The following FHIT variants were observed in gnomAD, a reference collection of about 807,000 sequenced individuals.
FHIT encodes bis(5'-adenosyl)-triphosphatase.
A neutral mutation model predicts 17.9 loss-of-function variants in FHIT; 19 were observed. The ratio of observed to expected loss-of-function variants is 1.06; its 90% CI spans 0.74 to 1.56. FHIT has a LOEUF of 1.56. Among genes scored for constraint, FHIT ranks in the 40% most tolerant of loss-of-function variants. The pLI, the probability that FHIT is intolerant of heterozygous loss-of-function variation, is 0.00. For missense variants in FHIT, 248 were observed against 189.2 expected, an observed-to-expected ratio of 1.31 and a Z score of -1.82; for synonymous variants, 81 against 69.7, an observed-to-expected ratio of 1.16 and a Z score of -0.81.
intron 5 of FHIT, among the ~76,000 whole-genome samples, chr3:60,138,485 G>T (rs1478329079): frequency 6.6e-6 from 1 of 152,144 alleles, no homozygotes; most frequent in African/African-American, 2.4e-5. Context: ...GACAAAACTA[G>T]CAAGTGCACA....
chr3:60,632,103 T>G (rs931631782), intron 4 of FHIT, among the ~76,000 whole-genome samples: 15 of 150,996 alleles, frequency 9.9e-5, no homozygotes, highest in African/African-American at 3.7e-4. Context: ...TTGTTTTTTG[T>G]TTTTTTTTAA....
chr3:59,777,066 C>T (rs780271827), intron 8 of FHIT, among the ~76,000 whole-genome samples: 7 of 152,168 alleles, frequency 4.6e-5, no homozygotes, highest in Admixed American at 1.3e-4. Context: ...ACTCCAAGCA[C>T]GGTCCATGTC....
intron 3 of FHIT, among the ~76,000 whole-genome samples, chr3:61,033,009 C>G (rs147803095): frequency 1.3e-5 from 2 of 152,344 alleles, no homozygotes; most frequent in East Asian, 3.9e-4. Flanking sequence ...CCTGCTCAAA[C>G]AGAGACAGTG....
At chr3:60,051,326 CT>C (rs773498624) in intron 5 of FHIT, among the ~76,000 whole-genome samples, 9,470 of 131,736 alleles carry the variant, frequency 0.072, 306 homozygotes, top group Non-Finnish European at 0.08. Flanking sequence ...ATTTAGGATG[CT>C]TTTTTTTTTT....
chr3:60,678,401 A>G (rs1553695964), intron 4 of FHIT, among the ~76,000 whole-genome samples: 1 of 152,194 alleles, frequency 6.6e-6, no homozygotes, highest in Non-Finnish European at 1.5e-5. Context: ...GCATGTTATT[A>G]TAGAGGTCAA....
chr3:59,843,626 G>A (rs1000635274), intron 8 of FHIT, among the ~76,000 whole-genome samples: 2 of 151,970 alleles, frequency 1.3e-5, no homozygotes, highest in Non-Finnish European at 2.9e-5. Flanking sequence ...TCACTTCTTT[G>A]GTTAAGCTAA....
chr3:60,627,329 T>C (rs935285699), intron 4 of FHIT, among the ~76,000 whole-genome samples: 2 of 152,230 alleles, frequency 1.3e-5, no homozygotes, highest in Non-Finnish European at 2.9e-5. Context: ...ATAAAAAATA[T>C]ATATTCAGTC....
At chr3:60,809,040 A>T (rs896071996) in intron 4 of FHIT, among the ~76,000 whole-genome samples, 1 of 152,200 alleles carries the variant, frequency 6.6e-6, no homozygotes, top group Non-Finnish European at 1.5e-5. Flanking sequence ...TTAATTTTTT[A>T]AATTGCCTAA....
chr3:60,101,345 C>T (rs11130752), intron 5 of FHIT, among the ~76,000 whole-genome samples: 37,014 of 152,180 alleles, frequency 0.24, 4,671 homozygotes, highest in Middle Eastern at 0.36. Flanking sequence ...CCTGGGCTCA[C>T]TGGCTTCCTC....
At chr3:59,803,220 G>A (rs1196755568) in intron 8 of FHIT, among the ~76,000 whole-genome samples, 1 of 152,184 alleles carries the variant, frequency 6.6e-6, no homozygotes, top group East Asian at 1.9e-4. Flanking sequence ...CTGAATTAAA[G>A]TCAAGAGTCT....
At chr3:59,839,596 G>T (rs59011728) in intron 8 of FHIT, among the ~76,000 whole-genome samples, 126 of 152,220 alleles carry the variant, frequency 8.3e-4, no homozygotes, top group African/African-American at 2.7e-3. Context: ...ATAAGGTTAA[G>T]CCCATCAAGA....
chr3:60,836,579 T>C lies in FHIT; in HGVS notation c.-110-14568A>G, dbSNP rs112014621. On this transcript the variant is annotated intron_variant, in intron 3 of 9. Coordinates refer to ENST00000492590, the MANE Select transcript of FHIT (RefSeq NM_002012.4). ...TGTAGAGTTGTTCATGGCATTTCTT[T>C]ATTATCCTTTTGATGTCTACAGGGT... Among the ~76,000 whole-genome samples the C allele has an allele frequency of 4.6e-4, 70 of 152,310 alleles. 1 individual carries two copies. The highest frequency in any genetic ancestry group is 3.4e-3 in the Middle Eastern group (1 of 294).
intron 4 of FHIT, among the ~76,000 whole-genome samples, chr3:60,545,696 C>T (rs536551075): frequency 2.0e-5 from 3 of 152,140 alleles, no homozygotes; most frequent in Non-Finnish European, 4.4e-5. Flanking sequence ...TTTTATAGCA[C>T]TGTTGTTAAG....
At chr3:60,950,485 CT>C (rs199681114) in intron 3 of FHIT, among the ~76,000 whole-genome samples, 33,268 of 140,202 alleles carry the variant, frequency 0.24, 3,755 homozygotes, top group South Asian at 0.29. Context: ...GCTTTTTTTT[CT>C]TTTTTTTTTT....
At chr3:60,595,536 T>G (rs1335512747) in intron 4 of FHIT, among the ~76,000 whole-genome samples, 2 of 150,720 alleles carry the variant, frequency 1.3e-5, no homozygotes, top group South Asian at 2.1e-4. Flanking sequence ...CACACACATA[T>G]ATATGTGTGT....
chr3:60,866,133 C>T (rs1477246518), intron 3 of FHIT, among the ~76,000 whole-genome samples: 1 of 152,130 alleles, frequency 6.6e-6, no homozygotes, highest in Non-Finnish European at 1.5e-5. Flanking sequence ...AACTTCTTCT[C>T]TTTATTTTCT....
chr3:59,993,050 T>G (rs1488513394), intron 7 of FHIT, among the ~76,000 whole-genome samples: 1 of 152,136 alleles, frequency 6.6e-6, no homozygotes, highest in Non-Finnish European at 1.5e-5. Context: ...TAATGGTTCC[T>G]GCCTCTCCAA....
chr3:60,556,315 T>A (rs763138198), intron 4 of FHIT, among the ~76,000 whole-genome samples: 1 of 152,188 alleles, frequency 6.6e-6, no homozygotes, highest in African/African-American at 2.4e-5. Context: ...GACAGAAAGG[T>A]AAAGGATTAA....
chr3:61,207,256 T>A (rs1272935135), intron 1 of FHIT, among the ~76,000 whole-genome samples: 1 of 152,196 alleles, frequency 6.6e-6, no homozygotes, highest in South Asian at 2.1e-4. Context: ...TTGATGTTCA[T>A]CAGGGATATT....
Sources: allele counts gnomAD v4.1 joint callset (sites outside exome capture counted in the v4.1 genomes callset), GRCh38; gene constraint gnomAD v4.1.1; transcripts MANE v1.5; gene names NCBI Gene and HGNC (gene_info 2026-07-23, HGNC 2026-07-21).